Variants in DISC1 observed in about 807,000 individuals in gnomAD.
The protein encoded by DISC1 is disrupted in schizophrenia 1 protein.
DISC1 carries 57 observed loss-of-function variants against 84.5 expected under a neutral mutation model. That is an observed-to-expected ratio of 0.67 (90% CI 0.55 to 0.84). The LOEUF is 0.84. DISC1 is among the 40% of genes least tolerant of loss of function. The pLI is 0.00. For synonymous variants in DISC1, 411 were observed against 415.2 expected, an observed-to-expected ratio of 0.99 and a Z score of 0.12; for missense variants, 1,000 against 1,057.8, an observed-to-expected ratio of 0.95 and a Z score of 0.76.
At position 231,723,382 on chromosome 1, in the gene DISC1, G is replaced by A. The variant is rs939668553; in HGVS notation, c.1117+21358G>A. ...TGTAAACTCAGGTCTGTGGAACGGC[G>A]ATGATCTTCTTCCCTTGCTTCCAGA... On this transcript the variant is annotated intron_variant, in intron 3 of 12. Coordinates refer to ENST00000439617, the MANE Select transcript of DISC1 (RefSeq NM_018662.3). 2.0e-5 allele frequency: 20 copies of A among 985,722 alleles called. No homozygotes were observed. In the African/African-American group the frequency reaches 2.8e-4, roughly 14 times the overall value. The allele number at this position is 985,722 out of a possible 1,614,324, so 61.1% of individuals were successfully genotyped here. A position where few individuals can be genotyped will look rare whatever the true frequency, so the allele number is the denominator to read the frequency against.
intron 3 of DISC1, among the ~76,000 whole-genome samples, chr1:231,725,837 C>T (rs531507329): frequency 1.3e-5 from 2 of 151,924 alleles, no homozygotes; most frequent in East Asian, 3.9e-4. Context: ...AAGAGGGTGA[C>T]ACTGGCTGGT....
chr1:231,657,334 G>A (rs542850020), intron 1 of DISC1, among the ~76,000 whole-genome samples: 2 of 152,298 alleles, frequency 1.3e-5, no homozygotes, highest in African/African-American at 4.8e-5. Context: ...TCTGACTGGT[G>A]TTAGATCGTA....
chr1:231,765,167 G>A (rs2076068323), intron 4 of DISC1, among the ~76,000 whole-genome samples: 1 of 133,812 alleles, frequency 7.5e-6, no homozygotes, highest in Admixed American at 8.8e-5. Flanking sequence ...TCCAGCCTGG[G>A]CAACAGAGCT....
At position 232,031,443 on chromosome 1, in the gene DISC1, G is replaced by T. The variant is rs1670040483; in HGVS notation, c.2425+4891G>T. Among the ~76,000 whole-genome samples the T allele has an allele frequency of 6.7e-6, 1 of 148,574 alleles. No homozygotes were observed. The highest frequency in any genetic ancestry group is 2.5e-5 in the African/African-American group (1 of 40,078). On this transcript the variant is annotated intron_variant, in intron 12 of 12. Coordinates refer to ENST00000439617, the MANE Select transcript of DISC1 (RefSeq NM_018662.3). The surrounding 1 kb of genome is among the most constrained non-coding windows in gnomAD (Gnocchi z 4.6). Reference sequence around the variant, plus strand: ...AGACAAGGGAAAGGAGAAGGGAAAAGGGAAAGGAGAAGGGAAGGGAGAAGG... The same window carrying T: ...AGACAAGGGAAAGGAGAAGGGAAAATGGAAAGGAGAAGGGAAGGGAGAAGG...
chr1:231,933,355 G>T (rs1024145242), intron 9 of DISC1, among the ~76,000 whole-genome samples: 1 of 152,124 alleles, frequency 6.6e-6, no homozygotes, highest in Admixed American at 6.5e-5. Flanking sequence ...TTGGGTTTTT[G>T]CTTTGAAAGT....
At chr1:231,858,844 C>T (rs2084443189) in intron 9 of DISC1, among the ~76,000 whole-genome samples, 1 of 152,130 alleles carries the variant, frequency 6.6e-6, no homozygotes, top group Non-Finnish European at 1.5e-5. Flanking sequence ...AAGTAGAAAC[C>T]TCAGAGATGG....
chr1:231,700,372 T>G (rs182978412), intron 2 of DISC1, among the ~76,000 whole-genome samples: 1 of 152,350 alleles, frequency 6.6e-6, no homozygotes, highest in Admixed American at 6.5e-5. Flanking sequence ...TTTTATGATG[T>G]TTTTCGTCAT....
intron 9 of DISC1, among the ~76,000 whole-genome samples, chr1:231,884,915 A>G (rs547572413): frequency 6.6e-6 from 1 of 152,160 alleles, no homozygotes; most frequent in South Asian, 2.1e-4. Flanking sequence ...TGGAATATAT[A>G]AGGAGAGGCT....
In DISC1 at chr1:231,800,089, G is replaced by T. The variant is rs1480036940; in HGVS notation, c.1690-19G>T. ...TTAGCTGAATAAATGATGATTCCTG[G>T]TCATTTCTCTCCCCCTAGGTGTGTA... On this transcript the variant is annotated intron_variant, in intron 7 of 12. Transcript: ENST00000439617. The T allele has an allele frequency of 1.3e-6, 2 of 1,578,204 alleles. No homozygotes were observed. The highest frequency in any genetic ancestry group is 1.1e-5 in the South Asian group (1 of 90,344).
At chr1:231,765,210 A>C (rs895487776) in intron 4 of DISC1, among the ~76,000 whole-genome samples, 2 of 151,650 alleles carry the variant, frequency 1.3e-5, no homozygotes, top group Admixed American at 6.6e-5. Context: ...AAAAAAAAAA[A>C]AAAAAAAAAC....
intron 8 of DISC1, among the ~76,000 whole-genome samples, chr1:231,808,571 G>A (rs888461150): frequency 1.2e-4 from 18 of 152,230 alleles, no homozygotes; most frequent in African/African-American, 3.6e-4. Context: ...CTAGCAAACC[G>A]CCCTAAGGGG....
intron 3 of DISC1, chr1:231,721,120 A>G (rs537952592): frequency 3.1e-6 from 4 of 1,285,220 alleles, no homozygotes; most frequent in East Asian, 1.1e-4. Flanking sequence ...AAATGAGTAC[A>G]ATAACATTAG....
chr1:231,677,872 A>T (rs1335076999), intron 1 of DISC1, among the ~76,000 whole-genome samples: 1 of 152,076 alleles, frequency 6.6e-6, no homozygotes, highest in Non-Finnish European at 1.5e-5. Context: ...CCAGCTACTC[A>T]GGAGGCTGAC....
intron 9 of DISC1, among the ~76,000 whole-genome samples, chr1:231,919,309 CATTT>C (rs2089851309): frequency 6.6e-6 from 1 of 152,192 alleles, no homozygotes; most frequent in Admixed American, 6.5e-5. Context: ...AAACACCATT[CATTT>C]GTGTTATCAG....
In DISC1 at chr1:231,774,640, G is replaced by A. The variant is rs570875521; in HGVS notation, c.1634+3570G>A. On this transcript the variant is annotated intron_variant, in intron 6 of 12. Transcript: ENST00000439617. ...TCAGCTTCCTTTCTTCCACCGTAGG[G>A]AGGTGAGGCATCAGACTGCTCCCTG... The A allele has an allele frequency of 1.8e-5, 8 of 454,828 alleles. No individual in the cohort carries two copies. The East Asian group carries it at 4.9e-4, about 28-fold the overall frequency. The allele number at this position is 454,828 out of a possible 1,614,324, so 28.2% of individuals were successfully genotyped here.
chr1:231,932,834 C>A (rs2090751784), intron 9 of DISC1, among the ~76,000 whole-genome samples: 1 of 152,144 alleles, frequency 6.6e-6, no homozygotes, highest in Non-Finnish European at 1.5e-5. Flanking sequence ...GAGTTGGCAT[C>A]CTAAAATTCA....
chr1:231,837,223 G>T (rs570059646), intron 9 of DISC1, among the ~76,000 whole-genome samples: 6 of 152,208 alleles, frequency 3.9e-5, no homozygotes, highest in African/African-American at 1.2e-4. Flanking sequence ...TTGCAATTGT[G>T]CTTCTCATAA....
At position 232,039,111 on chromosome 1, in the gene DISC1, T is replaced by G. The variant is rs1670677863; in HGVS notation, c.*2280T>G. On this transcript the variant is annotated 3_prime_UTR_variant, in exon 13 of 13. Transcript: ENST00000439617. ...TGTTCCTGGACTTCATTTTCAATGA[T>G]GAACCAAATTCCTGAATTATTTATA... The G allele has an allele frequency of 6.6e-6, 1 of 152,242 alleles. No individual in the cohort carries two copies. The highest frequency in any genetic ancestry group is 2.1e-4 in the South Asian group (1 of 4,836). The allele number at this position is 152,242 out of a possible 1,614,324, so 9.4% of individuals were successfully genotyped here.
At chr1:231,851,416 G>C (rs2083890112) in intron 9 of DISC1, among the ~76,000 whole-genome samples, 1 of 152,132 alleles carries the variant, frequency 6.6e-6, no homozygotes, top group South Asian at 2.1e-4. Context: ...TAAATATTCT[G>C]CAAAACCTGC....
Sources: gnomAD v4.1 joint callset for allele counts (sites outside exome capture counted in the v4.1 genomes callset) on GRCh38, gnomAD v4.1.1 for gene constraint, Gnocchi (gnomAD v3.1) non-coding constraint, MANE v1.5 for transcripts, NCBI Gene and HGNC (gene_info 2026-07-23, HGNC 2026-07-21) for gene names.